Variants in PCCA observed in about 807,000 individuals in gnomAD.
PCCA encodes propionyl-CoA carboxylase subunit alpha.
Under a neutral mutation model 101.3 loss-of-function variants are expected in PCCA, and 74 were observed. The observed-to-expected ratio is 0.73, with a 90% CI of 0.61 to 0.89. PCCA has a LOEUF of 0.89. PCCA is among the 40% of genes least tolerant of loss of function. The pLI, the probability that PCCA is intolerant of heterozygous loss-of-function variation, is 0.00. For missense variants in PCCA, 891 were observed against 907.0 expected, an observed-to-expected ratio of 0.98 and a Z score of 0.23; for synonymous variants, 294 against 313.6, an observed-to-expected ratio of 0.94 and a Z score of 0.66.
At position 100,507,423 on chromosome 13, in the gene PCCA, A is replaced by G. The variant is rs532205859; in HGVS notation, c.1900-8004A>G. Among the ~76,000 whole-genome samples, 48 of 152,222 alleles carry G rather than the reference A, an allele frequency of 3.2e-4. 1 individual carries two copies. The South Asian group carries it at 6.4e-3, about 20-fold the overall frequency. On this transcript the variant is annotated intron_variant, in intron 21 of 23. Coordinates refer to ENST00000376285, the MANE Select transcript of PCCA (RefSeq NM_000282.4). ...GTCATTAACAGACTTGCTCCTTGGGAAACCCACTGAGGACTTCTCAGTGCC... is the reference window on the plus strand; with the variant it reads ...GTCATTAACAGACTTGCTCCTTGGGGAACCCACTGAGGACTTCTCAGTGCC...
chr13:100,348,768 CTTTCTTTCTTT>C (rs1566976137), intron 18 of PCCA, among the ~76,000 whole-genome samples: 27 of 94,676 alleles, frequency 2.9e-4, no homozygotes, highest in East Asian at 1.6e-3. Context: ...TTCTTTCTTT[CTTTCTTTCTTT>C]CTTTCTTTCT....
At chr13:100,473,472 T>C (rs1208950931) in intron 21 of PCCA, among the ~76,000 whole-genome samples, 1 of 152,204 alleles carries the variant, frequency 6.6e-6, no homozygotes. Flanking sequence ...CTGTGGAGTT[T>C]TACCAGTATA....
intron 4 of PCCA, among the ~76,000 whole-genome samples, chr13:100,134,541 T>A (rs1404927889): frequency 1.3e-5 from 2 of 152,140 alleles, no homozygotes; most frequent in African/African-American, 2.4e-5. Context: ...GTCTCTTAAT[T>A]TATTTAGGTT....
At chr13:100,254,182 C>G (rs1296264834) in intron 8 of PCCA, among the ~76,000 whole-genome samples, 1 of 152,064 alleles carries the variant, frequency 6.6e-6, no homozygotes, top group Non-Finnish European at 1.5e-5. Flanking sequence ...AACTCACTCA[C>G]TATCACGAGG....
chr13:100,197,394 T>A (rs997245281), intron 6 of PCCA, among the ~76,000 whole-genome samples: 3 of 152,040 alleles, frequency 2.0e-5, no homozygotes, highest in African/African-American at 7.2e-5. Context: ...AGGGCCCCAC[T>A]GTGTTGTCCA....
chr13:100,474,376 T>A (rs879898512), intron 21 of PCCA, among the ~76,000 whole-genome samples: 4 of 152,172 alleles, frequency 2.6e-5, no homozygotes, highest in Non-Finnish European at 4.4e-5. Context: ...GGAAGCAAAT[T>A]CCTTAAGTTT....
chr13:100,459,566 G>A (rs1331724054), intron 21 of PCCA, among the ~76,000 whole-genome samples: 1 of 152,134 alleles, frequency 6.6e-6, no homozygotes, highest in Non-Finnish European at 1.5e-5. Context: ...AGCATAGAAA[G>A]GTTAAAATAA....
intron 22 of PCCA, among the ~76,000 whole-genome samples, chr13:100,523,062 G>T (rs566469699): frequency 6.6e-6 from 1 of 151,986 alleles, no homozygotes; most frequent in Admixed American, 6.6e-5. Flanking sequence ...TTCTTTGAGC[G>T]TTCTTCGTGG....
At chr13:100,199,414 T>G (rs1318315863) in intron 6 of PCCA, among the ~76,000 whole-genome samples, 3 of 152,240 alleles carry the variant, frequency 2.0e-5, no homozygotes, top group African/African-American at 7.2e-5. Flanking sequence ...CTCCTCTTGC[T>G]TCCTTTTCTT....
rs148520532 is a variant in PCCA, at chr13:100,153,094, G to A, written c.301-1885G>A. 1.2e-4 allele frequency among the ~76,000 whole-genome samples: 18 copies of A among 152,128 alleles called. No homozygotes were observed. In the East Asian group the frequency reaches 2.5e-3, roughly 21 times the overall value. ...TAATGAAAAAAAAATAATAAAAGTT[G>A]CAACTTTTTGTACCTCAAAGACAAT... is the stretch of plus-strand genomic sequence containing the variant. On this transcript the variant is annotated intron_variant, in intron 4 of 23. Coordinates refer to ENST00000376285, the MANE Select transcript of PCCA (RefSeq NM_000282.4).
chr13:100,169,438 CAAAAA>C (rs10606930), intron 6 of PCCA, among the ~76,000 whole-genome samples: 1 of 133,914 alleles, frequency 7.5e-6, no homozygotes, highest in Admixed American at 7.3e-5. Flanking sequence ...GAGACTGTCT[CAAAAA>C]AAAAAAAAAA....
chr13:100,493,149 T>C (rs866088160), intron 21 of PCCA, among the ~76,000 whole-genome samples: 13 of 152,330 alleles, frequency 8.5e-5, no homozygotes, highest in Middle Eastern at 3.4e-3. Context: ...AGCCCAAAAG[T>C]GCTCACCCCA....
At chr13:100,325,710 A>G (rs1407554738) in intron 16 of PCCA, among the ~76,000 whole-genome samples, 1 of 152,204 alleles carries the variant, frequency 6.6e-6, no homozygotes, top group Non-Finnish European at 1.5e-5. Context: ...AAGGAAAATG[A>G]TAAGCACCGG....
chr13:100,316,319 G>GT, intron 16 of PCCA, among the ~76,000 whole-genome samples: 1 of 152,148 alleles, frequency 6.6e-6, no homozygotes, highest in Non-Finnish European at 1.5e-5. Flanking sequence ...AAAAGTCTGT[G>GT]TTTTTATGCT....
chr13:100,150,036 C>T (rs957390775), intron 4 of PCCA, among the ~76,000 whole-genome samples: 1 of 145,632 alleles, frequency 6.9e-6, no homozygotes, highest in Non-Finnish European at 1.5e-5. Flanking sequence ...AATTCCCCCC[C>T]ACCCCGCCCG....
chr13:100,245,254 T>C lies in PCCA; in HGVS notation c.637+9376T>C, dbSNP rs545607549. Reference sequence around the variant, plus strand: ...CCCCAATTTGTTTGAATTTAAACTGTTTCCTTGTTTGTATCTACAGCAGGA... The same window carrying C: ...CCCCAATTTGTTTGAATTTAAACTGCTTCCTTGTTTGTATCTACAGCAGGA... On this transcript the variant is annotated intron_variant, in intron 8 of 23. Coordinates refer to ENST00000376285, the MANE Select transcript of PCCA (RefSeq NM_000282.4). Among the ~76,000 whole-genome samples the C allele has an allele frequency of 2.6e-4, 39 of 152,314 alleles. 1 individual carries two copies. The South Asian group carries it at 7.9e-3, about 31-fold the overall frequency.
intron 21 of PCCA, chr13:100,491,880 A>G (rs1305033288): frequency 4.9e-6 from 3 of 614,400 alleles, no homozygotes; most frequent in African/African-American, 2.0e-5. Context: ...ATGAGAATCA[A>G]GTGGCTTCTG....
intron 19 of PCCA, among the ~76,000 whole-genome samples, chr13:100,405,201 C>A (rs1157813259): frequency 6.6e-6 from 1 of 152,168 alleles, no homozygotes; most frequent in African/African-American, 2.4e-5. Flanking sequence ...TCTTACTTTA[C>A]CCAAAGGAAA....
At chr13:100,154,709 T>C in intron 4 of PCCA, 1 of 412,652 alleles carries the variant, frequency 2.4e-6, no homozygotes, top group Non-Finnish European at 4.5e-6. Flanking sequence ...GAAGCTAAAA[T>C]TGTTTGCTGT....
Sources: gnomAD v4.1 joint callset for allele counts (sites outside exome capture counted in the v4.1 genomes callset) on GRCh38, gnomAD v4.1.1 for gene constraint, MANE v1.5 for transcripts, NCBI Gene and HGNC (gene_info 2026-07-23, HGNC 2026-07-21) for gene names.